PLCXD3: variants seen among roughly 807,000 people sequenced by gnomAD.
The protein encoded by PLCXD3 is phosphatidylinositol specific phospholipase C X domain containing 3.
PLCXD3 carries 19 observed loss-of-function variants against 25.5 expected under a neutral mutation model. That is an observed-to-expected ratio of 0.75 (90% CI 0.52 to 1.09). PLCXD3 has a LOEUF of 1.09. Among genes scored for constraint, PLCXD3 ranks in the 50% least tolerant of loss-of-function variants. PLCXD3 has a pLI of 0.00. For missense variants in PLCXD3, 411 were observed against 388.1 expected (o/e 1.06, Z -0.50); for synonymous variants, 174 against 137.6 (o/e 1.26, Z -1.85).
rs531430341 is a variant in PLCXD3 at position 41,311,159 on chromosome 5, A to G, written c.*2458T>C. On this transcript the variant is annotated 3_prime_UTR_variant, in exon 3 of 3. Transcript: ENST00000377801. Reference sequence around the variant, plus strand: ...ATATTCTTGGCTAAGATCCTCCTGAAGGATGAATGAATAGCCAGTTAGAGA... The same window carrying G: ...ATATTCTTGGCTAAGATCCTCCTGAGGGATGAATGAATAGCCAGTTAGAGA... 6.6e-6 allele frequency: 1 copy of G among 152,280 alleles called. No homozygotes were observed. Among genetic ancestry groups the G allele is most frequent in the African/African-American group, 2.4e-5 (1 of 41,574 alleles). 9.4% of individuals were successfully genotyped at this position (152,280 alleles called of 1,614,324 possible). A position where few individuals can be genotyped will look rare whatever the true frequency, so the allele number is the denominator to read the frequency against.
At chr5:41,362,753 C>A (rs1396896114) in intron 2 of PLCXD3, among the ~76,000 whole-genome samples, 1 of 152,124 alleles carries the variant, frequency 6.6e-6, no homozygotes, top group African/African-American at 2.4e-5. Context: ...TACAGCAACT[C>A]CTGATCAACC....
At chr5:41,463,448 C>A (rs1242871493) in intron 1 of PLCXD3, among the ~76,000 whole-genome samples, 2 of 151,968 alleles carry the variant, frequency 1.3e-5, no homozygotes, top group Non-Finnish European at 2.9e-5. Flanking sequence ...AATTACCTTC[C>A]AAAGGCTTCA....
chr5:41,309,849 T>C lies in PLCXD3; in HGVS notation c.*3768A>G, dbSNP rs1487593168. On this transcript the variant is annotated 3_prime_UTR_variant, in exon 3 of 3. Transcript: ENST00000377801. ...GCCTCACTTTTCATTGGTTTTCTAGTTACTTTTCTCCTCTTAAATATTTAA... is the reference window on the plus strand; with the variant it reads ...GCCTCACTTTTCATTGGTTTTCTAGCTACTTTTCTCCTCTTAAATATTTAA... 6.6e-6 allele frequency: 1 copy of C among 152,190 alleles called. No individual in the cohort carries two copies. The highest frequency in any genetic ancestry group is 1.5e-5 in the Non-Finnish European group (1 of 68,010). 9.4% of individuals were successfully genotyped at this position (152,190 alleles called of 1,614,324 possible).
intron 1 of PLCXD3, among the ~76,000 whole-genome samples, chr5:41,484,528 T>C (rs1165815542): frequency 6.6e-6 from 1 of 152,164 alleles, no homozygotes; most frequent in Non-Finnish European, 1.5e-5. Context: ...ATTGCTTAAA[T>C]GGCCCTTAGA....
At chr5:41,393,024 G>A (rs757925058) in intron 1 of PLCXD3, among the ~76,000 whole-genome samples, 22 of 152,002 alleles carry the variant, frequency 1.4e-4, no homozygotes, top group Non-Finnish European at 2.5e-4. Context: ...AGCCAGAGGA[G>A]AAAAATAAGA....
At position 41,308,200 on chromosome 5, in the gene PLCXD3, AG is replaced by A. The variant is rs948377734; in HGVS notation, c.*5416del. The A allele has an allele frequency of 1.3e-4, 20 of 152,296 alleles. No individual in the cohort carries two copies. The highest frequency in any genetic ancestry group is 4.8e-4 in the African/African-American group (20 of 41,574). The allele number at this position is 152,296 out of a possible 1,614,324, so 9.4% of individuals were successfully genotyped here. ...TATAGATAGCCCAGCTGAAAAAGAT[AG>A]AAAGGCAGTGTGGATAGAATTGTGA... On this transcript the variant is annotated 3_prime_UTR_variant, in exon 3 of 3. Coordinates refer to ENST00000377801, the MANE Select transcript of PLCXD3 (RefSeq NM_001005473.3).
At chr5:41,416,156 CAACTGT>C (rs1746687085) in intron 1 of PLCXD3, among the ~76,000 whole-genome samples, 1 of 151,924 alleles carries the variant, frequency 6.6e-6, no homozygotes, top group African/African-American at 2.4e-5. Context: ...TGGTCAAACC[CAACTGT>C]AACCTTGAGA....
intron 1 of PLCXD3, among the ~76,000 whole-genome samples, chr5:41,408,409 A>C (rs765448570): frequency 6.6e-6 from 1 of 152,124 alleles, no homozygotes; most frequent in African/African-American, 2.4e-5. Flanking sequence ...ATGCATATAC[A>C]CAAACACACA....
At chr5:41,362,740 G>A (rs1306308486) in intron 2 of PLCXD3, among the ~76,000 whole-genome samples, 1 of 151,944 alleles carries the variant, frequency 6.6e-6, no homozygotes, top group Non-Finnish European at 1.5e-5. Context: ...TATTTTACTG[G>A]GATACAGCAA....
chr5:41,356,782 C>T (rs938110143), intron 2 of PLCXD3, among the ~76,000 whole-genome samples: 1 of 152,140 alleles, frequency 6.6e-6, no homozygotes, highest in Non-Finnish European at 1.5e-5. Flanking sequence ...TCCCTTTCAT[C>T]TTTTTGCTGA....
intron 1 of PLCXD3, among the ~76,000 whole-genome samples, chr5:41,394,324 G>A (rs1406436041): frequency 1.3e-5 from 2 of 151,940 alleles, no homozygotes; most frequent in Non-Finnish European, 2.9e-5. Flanking sequence ...TACATAAAAA[G>A]TAAAAAGCAA....
At position 41,316,199 on chromosome 5, in the gene PLCXD3, T is replaced by A. The variant is rs1031331484; in HGVS notation, c.813-2429A>T. 2.0e-5 allele frequency among the ~76,000 whole-genome samples: 3 copies of A among 151,922 alleles called. No individual in the cohort carries two copies. In the East Asian group the frequency reaches 5.8e-4, roughly 29 times the overall value. ...CAGCAGGATAGGGCACCAGTCAGAG[T>A]CATGAGGTCCCCGTTCCAGGCCCTA... On this transcript the variant is annotated intron_variant, in intron 2 of 2. Transcript: ENST00000377801.
intron 1 of PLCXD3, among the ~76,000 whole-genome samples, chr5:41,407,234 T>G (rs1431487631): frequency 6.6e-6 from 1 of 152,194 alleles, no homozygotes; most frequent in Non-Finnish European, 1.5e-5. Flanking sequence ...GGTTCATTCC[T>G]GATAGTACTT....
At chr5:41,414,041 C>T (rs897976373) in intron 1 of PLCXD3, among the ~76,000 whole-genome samples, 1 of 152,030 alleles carries the variant, frequency 6.6e-6, no homozygotes, top group Non-Finnish European at 1.5e-5. Flanking sequence ...TTTAGATACA[C>T]AGTAGAAAGG....
At chr5:41,379,348 C>CAAACAAACAAACAAAA (rs1225136961) in intron 2 of PLCXD3, among the ~76,000 whole-genome samples, 3 of 152,016 alleles carry the variant, frequency 2.0e-5, no homozygotes, top group Non-Finnish European at 2.9e-5. Flanking sequence ...GAAAAAATAA[C>CAAACAAACAAACAAAA]GTTTGTAGAA....
Position 41,313,564 on chromosome 5 carries a change from C to T in PLCXD3, c.*53G>A. On this transcript the variant is annotated 3_prime_UTR_variant, in exon 3 of 3. Coordinates refer to ENST00000377801, the MANE Select transcript of PLCXD3 (RefSeq NM_001005473.3). Reference sequence around the variant, plus strand: ...ATCAGAGTGTTTACAGATAGTATGCCCTAATACAATGAGCTTTCTCCATCT... The same window carrying T: ...ATCAGAGTGTTTACAGATAGTATGCTCTAATACAATGAGCTTTCTCCATCT... 3.1e-6 allele frequency: 5 copies of T among 1,601,342 alleles called. No individual in the cohort carries two copies. The highest frequency in any genetic ancestry group is 4.3e-6 in the Non-Finnish European group (5 of 1,169,118).
intron 1 of PLCXD3, among the ~76,000 whole-genome samples, chr5:41,487,778 G>A (rs1748554055): frequency 6.6e-6 from 1 of 151,970 alleles, no homozygotes; most frequent in Non-Finnish European, 1.5e-5. Context: ...AAGAAGCCTG[G>A]AGGGTATGAG....
chr5:41,374,314 C>T (rs1457087486), intron 2 of PLCXD3, among the ~76,000 whole-genome samples: 1 of 152,096 alleles, frequency 6.6e-6, no homozygotes, highest in Non-Finnish European at 1.5e-5. Context: ...TCCATAAGAG[C>T]ATTCCAGTTT....
At chr5:41,489,436 C>A (rs1182535711) in intron 1 of PLCXD3, among the ~76,000 whole-genome samples, 1 of 151,962 alleles carries the variant, frequency 6.6e-6, no homozygotes, top group African/African-American at 2.4e-5. Flanking sequence ...TCCATATGAA[C>A]TTTAAAGTAG....
Sources: gnomAD v4.1 joint callset for allele counts (sites outside exome capture counted in the v4.1 genomes callset) on GRCh38, gnomAD v4.1.1 for gene constraint, MANE v1.5 for transcripts, NCBI Gene and HGNC (gene_info 2026-07-23, HGNC 2026-07-21) for gene names.